Variants in ST8SIA5 observed in about 807,000 individuals in gnomAD.
ST8SIA5 encodes ST8 alpha-N-acetyl-neuraminide alpha-2,8-sialyltransferase 5, also known as alpha-2,8-sialyltransferase 8E.
Under a neutral mutation model 40.2 loss-of-function variants are expected in ST8SIA5, and 24 were observed. That is an observed-to-expected ratio of 0.60 (90% CI 0.43 to 0.84). The LOEUF is 0.84. ST8SIA5 is among the 40% of genes least tolerant of loss of function. The probability of loss-of-function intolerance (pLI) is 0.00; values close to 1 mark genes in which losing one functional copy is unlikely to be tolerated. For missense variants in ST8SIA5, 465 were observed against 498.5 expected, an observed-to-expected ratio of 0.93 and a Z score of 0.64; for synonymous variants, 198 against 201.8, an observed-to-expected ratio of 0.98 and a Z score of 0.16.
intron 2 of ST8SIA5, among the ~76,000 whole-genome samples, chr18:46,693,911 G>T (rs73433049): frequency 0.041 from 6,291 of 152,242 alleles, 424 homozygotes; most frequent in African/African-American, 0.14. Context: ...CCTATCTTTA[G>T]TTACTCCTTC....
At chr18:46,684,543 G>A (rs902343379) in intron 5 of ST8SIA5, among the ~76,000 whole-genome samples, 2 of 152,080 alleles carry the variant, frequency 1.3e-5, no homozygotes, top group Non-Finnish European at 2.9e-5. Context: ...GGTAACTTAC[G>A]CAAAGTAACA....
At chr18:46,753,921 C>T (rs1050543619) in intron 1 of ST8SIA5, among the ~76,000 whole-genome samples, 6 of 152,064 alleles carry the variant, frequency 3.9e-5, no homozygotes, top group Admixed American at 6.5e-5. Flanking sequence ...AGATCTCACC[C>T]GAAGACAGTC....
At chr18:46,680,706 C>CAGG (rs757691902) in intron 6 of ST8SIA5, among the ~76,000 whole-genome samples, 196 bp from the exon 7 acceptor site, 3 of 152,156 alleles carry the variant, frequency 2.0e-5, no homozygotes, top group Non-Finnish European at 2.9e-5. Context: ...TAAGTGGGTG[C>CAGG]AGGAGAGGGC....
intron 1 of ST8SIA5, among the ~76,000 whole-genome samples, chr18:46,755,692 G>A (rs1376649129): frequency 2.6e-5 from 4 of 152,130 alleles, no homozygotes; most frequent in Non-Finnish European, 5.9e-5. Flanking sequence ...GGATTGGGGT[G>A]GAGTAGGGGG....
rs1344022878 is a variant in ST8SIA5, at chr18:46,742,506, G to A, written c.131+13872C>T. Among the ~76,000 whole-genome samples the A allele has an allele frequency of 2.0e-5, 3 of 151,620 alleles. No homozygotes were observed. The East Asian group carries it at 5.8e-4, about 29-fold the overall frequency. ...CAAAGGAACACCAAAAAAGTGAAAA[G>A]ACATGTTTTGCAAATCACGTACCTG... is the stretch of plus-strand genomic sequence containing the variant. On this transcript the variant is annotated intron_variant, in intron 1 of 6. Coordinates refer to ENST00000315087, the MANE Select transcript of ST8SIA5 (RefSeq NM_013305.6).
chr18:46,700,112 AT>A (rs2039596878), intron 2 of ST8SIA5, among the ~76,000 whole-genome samples: 2 of 152,346 alleles, frequency 1.3e-5, no homozygotes, highest in South Asian at 4.1e-4. Flanking sequence ...GGTGTAAATA[AT>A]TTTAGTAAGA....
Position 46,671,048 on chromosome 18 carries a change from C to CTCA in ST8SIA5, c.*8991_*8993dup, listed in dbSNP as rs1322146293. 1 of 152,204 alleles carries CTCA rather than the reference C, an allele frequency of 6.6e-6. No individual in the cohort carries two copies. The highest frequency in any genetic ancestry group is 1.5e-5 in the Non-Finnish European group (1 of 68,042). 9.4% of individuals were successfully genotyped at this position (152,204 alleles called of 1,614,324 possible). On this transcript the variant is annotated 3_prime_UTR_variant, in exon 7 of 7. Coordinates refer to ENST00000315087, the MANE Select transcript of ST8SIA5 (RefSeq NM_013305.6). ...AAAATTATTTTCCTTCAACTGAGTCCTCAGTTACCTGGGGGCTGAGTGAAT... is the reference window on the plus strand; with the variant it reads ...AAAATTATTTTCCTTCAACTGAGTCCTCATCAGTTACCTGGGGGCTGAGTGAAT...
At position 46,740,404 on chromosome 18, in the gene ST8SIA5, TAATCACAATA is replaced by T. The variant is rs2040076468; in HGVS notation, c.131+15964_131+15973del. ...GCAGAAATAAATCCTTAGTCATCAG[TAATCACAATA>T]AATGTAAATATACTAAACTTTCTAA... On this transcript the variant is annotated intron_variant, in intron 1 of 6. Coordinates refer to ENST00000315087, the MANE Select transcript of ST8SIA5 (RefSeq NM_013305.6). Among the ~76,000 whole-genome samples the T allele has an allele frequency of 3.3e-5, 5 of 152,290 alleles. No individual in the cohort carries two copies. In the South Asian group the frequency reaches 1.0e-3, roughly 32 times the overall value.
intron 5 of ST8SIA5, among the ~76,000 whole-genome samples, chr18:46,685,558 T>C (rs2039438105): frequency 6.6e-6 from 1 of 152,156 alleles, no homozygotes; most frequent in African/African-American, 2.4e-5. Flanking sequence ...CCAAACCTGC[T>C]CTACCCTCCC....
chr18:46,721,276 C>A (rs1171319528), intron 1 of ST8SIA5: 8 of 1,233,750 alleles, frequency 6.5e-6, no homozygotes, highest in Non-Finnish European at 9.1e-6. Context: ...TTCTTCCACC[C>A]TAGGAAGTGG....
chr18:46,750,951 A>G (rs938614717), intron 1 of ST8SIA5, among the ~76,000 whole-genome samples: 2 of 152,312 alleles, frequency 1.3e-5, no homozygotes, highest in African/African-American at 4.8e-5. Context: ...TTTTTTAATA[A>G]AAACTCTTTT....
intron 1 of ST8SIA5, among the ~76,000 whole-genome samples, chr18:46,710,411 C>CTTTCTTTCT (rs1568263141): frequency 7.8e-6 from 1 of 128,552 alleles, no homozygotes; most frequent in African/African-American, 2.9e-5. Flanking sequence ...TTCTTTCTTT[C>CTTTCTTTCT]TTTCTTTTTC....
At chr18:46,735,711 C>T (rs1483031760) in intron 1 of ST8SIA5, among the ~76,000 whole-genome samples, 1 of 152,110 alleles carries the variant, frequency 6.6e-6, no homozygotes, top group Non-Finnish European at 1.5e-5. Context: ...TTCCTGGGTC[C>T]AAGCAATCCT....
chr18:46,746,884 G>A (rs1220607908), intron 1 of ST8SIA5, among the ~76,000 whole-genome samples: 1 of 152,126 alleles, frequency 6.6e-6, no homozygotes, highest in Non-Finnish European at 1.5e-5. Context: ...ATAAACCAAT[G>A]TAACAGAACA....
chr18:46,744,809 T>C (rs547359793), intron 1 of ST8SIA5, among the ~76,000 whole-genome samples: 7 of 152,296 alleles, frequency 4.6e-5, no homozygotes, highest in African/African-American at 1.7e-4. Flanking sequence ...GACCACATAG[T>C]TGGAAGTAAA....
intron 1 of ST8SIA5, among the ~76,000 whole-genome samples, chr18:46,709,050 C>G (rs2039696554): frequency 6.6e-6 from 1 of 152,148 alleles, no homozygotes; most frequent in Non-Finnish European, 1.5e-5. Context: ...CTGGGCTCTG[C>G]TTTTTTGGTC....
intron 2 of ST8SIA5, among the ~76,000 whole-genome samples, chr18:46,703,278 T>C (rs1375075019): frequency 1.3e-5 from 2 of 152,184 alleles, no homozygotes; most frequent in Admixed American, 1.3e-4. Flanking sequence ...CCAGAGTAGC[T>C]GGGACTACAG....
intron 1 of ST8SIA5, among the ~76,000 whole-genome samples, chr18:46,739,567 A>T (rs1007869302): frequency 2.0e-5 from 3 of 152,202 alleles, no homozygotes; most frequent in Admixed American, 2.0e-4. Context: ...CAGGGGAGAA[A>T]CATTCAACTT....
intron 1 of ST8SIA5, chr18:46,730,259 C>A: frequency 1.0e-6 from 1 of 985,330 alleles, no homozygotes; most frequent in South Asian, 4.7e-5. Context: ...TCGCATTCCA[C>A]CATTCACTAG....
Sources: gnomAD v4.1 joint callset for allele counts (sites outside exome capture counted in the v4.1 genomes callset) on GRCh38, gnomAD v4.1.1 for gene constraint, MANE v1.5 for transcripts, NCBI Gene and HGNC (gene_info 2026-07-23, HGNC 2026-07-21) for gene names.